MARCHF7: variants seen among roughly 807,000 people sequenced by gnomAD.
The protein encoded by MARCHF7 is E3 ubiquitin-protein ligase MARCHF7.
A neutral mutation model predicts 76.5 loss-of-function variants in MARCHF7; 20 were observed. That is an observed-to-expected ratio of 0.26 (90% CI 0.18 to 0.38). The LOEUF is 0.38. Among genes scored for constraint, MARCHF7 ranks in the 10% least tolerant of loss-of-function variants. MARCHF7 has a pLI of 1.00. For synonymous variants in MARCHF7, 295 were observed against 293.0 expected (o/e 1.01, Z -0.07); for missense variants, 797 against 812.9 (o/e 0.98, Z 0.24).
chr2:159,746,354 G>T (rs2125585119), intron 6 of MARCHF7, among the ~76,000 whole-genome samples: 1 of 152,276 alleles, frequency 6.6e-6, no homozygotes. Flanking sequence ...GTATAACATG[G>T]ATGTGCCTCT....
Position 159,748,872 on chromosome 2 carries a change from G to A in MARCHF7, c.1582G>A (p.Asp528Asn), listed in dbSNP as rs1208686177. The A allele has an allele frequency of 2.4e-5, 39 of 1,607,780 alleles. No homozygotes were observed. The highest frequency in any genetic ancestry group is 3.2e-5 in the Non-Finnish European group (38 of 1,177,666). The change falls in exon 7 of 12, where the codon GAT becomes AAT. Residue 528 changes from aspartate (D) to asparagine (N), a missense_variant. This residue lies in a region of MARCHF7 where 643 missense variants were observed against 631.5 expected (regional missense o/e 1.02). Coordinates refer to ENST00000409175, the MANE Select transcript of MARCHF7 (RefSeq NM_001282805.2). ...TAAAACTAAAAGTGCGCCTTCAAGA[G>A]ATCCAGAAAGATTGCAGAAAATAAA... ...SDKTKSAPSRDPERLQKIKES... is the reference protein window; with the variant it reads ...SDKTKSAPSRNPERLQKIKES...
chr2:159,733,661 CA>C (rs749246796), intron 4 of MARCHF7: 18 of 985,020 alleles, frequency 1.8e-5, no homozygotes, highest in Non-Finnish European at 2.2e-5. Flanking sequence ...AAAAGAGGGT[CA>C]GGGGGTAGGA....
At chr2:159,745,689 T>C in intron 5 of MARCHF7, 81 bp from the exon 6 acceptor site, 5 of 891,668 alleles carry the variant, frequency 5.6e-6, no homozygotes, top group Non-Finnish European at 6.8e-6. Flanking sequence ...AACACTAACT[T>C]TCCTCTCTAT....
At chr2:159,722,034 T>G (rs1305658565) in intron 3 of MARCHF7, among the ~76,000 whole-genome samples, 4 of 152,246 alleles carry the variant, frequency 2.6e-5, no homozygotes, top group Admixed American at 2.6e-4. Context: ...GGAAAGATTG[T>G]ACATGTGAAC....
At chr2:159,716,940 T>G (rs548486925) in intron 3 of MARCHF7, among the ~76,000 whole-genome samples, 1 of 152,338 alleles carries the variant, frequency 6.6e-6, no homozygotes, top group East Asian at 1.9e-4. Context: ...TCACTGTTTT[T>G]TACAGTTCTA....
At chr2:159,716,992 C>G (rs140590958) in intron 3 of MARCHF7, among the ~76,000 whole-genome samples, 5 of 152,336 alleles carry the variant, frequency 3.3e-5, no homozygotes, top group Non-Finnish European at 5.9e-5. Context: ...CCGGGGCTTA[C>G]TCCTCATGTA....
chr2:159,737,212 T>C (rs1019702347), intron 4 of MARCHF7, among the ~76,000 whole-genome samples: 3 of 152,150 alleles, frequency 2.0e-5, no homozygotes, highest in Non-Finnish European at 2.9e-5. Context: ...TGTGCATCGA[T>C]ACCAAGAGAG....
In MARCHF7 at chr2:159,760,322, C is replaced by T. The variant is rs1706879010; in HGVS notation, c.1893+987C>T. ...AAATATATAGACACAAATTCTGTCT[C>T]TAAGGGATTCCCAGATCCTTTGAAG... On this transcript the variant is annotated intron_variant, in intron 9 of 11. Transcript: ENST00000409175. Among the ~76,000 whole-genome samples the T allele has an allele frequency of 2.0e-5, 3 of 152,190 alleles. No individual in the cohort carries two copies. In the South Asian group the frequency reaches 6.2e-4, roughly 31 times the overall value.
At chr2:159,765,924 A>G (rs1707712815) in intron 11 of MARCHF7, among the ~76,000 whole-genome samples, 1 of 152,134 alleles carries the variant, frequency 6.6e-6, no homozygotes, top group Non-Finnish European at 1.5e-5. Context: ...TTTTTAAATT[A>G]CAATTTATAC....
intron 6 of MARCHF7, among the ~76,000 whole-genome samples, chr2:159,746,998 T>C (rs138374534): frequency 3.3e-5 from 5 of 152,322 alleles, no homozygotes; most frequent in African/African-American, 1.2e-4. Flanking sequence ...TAGATTTAGT[T>C]CCTAACATTT....
intron 9 of MARCHF7, among the ~76,000 whole-genome samples, chr2:159,761,948 G>A (rs947500212): frequency 3.7e-4 from 57 of 152,064 alleles, no homozygotes; most frequent in African/African-American, 1.4e-3. Context: ...AGGAATATGA[G>A]CCCCTTTAAA....
intron 9 of MARCHF7, among the ~76,000 whole-genome samples, chr2:159,760,711 TTTTG>T (rs1273008138): frequency 1.3e-5 from 2 of 150,362 alleles, no homozygotes; most frequent in Admixed American, 1.3e-4. Context: ...TTTTTTCCTT[TTTTG>T]TTTTTGTTTT....
chr2:159,754,825 T>A (rs906519580), intron 8 of MARCHF7, among the ~76,000 whole-genome samples: 1 of 152,164 alleles, frequency 6.6e-6, no homozygotes, highest in African/African-American at 2.4e-5. Flanking sequence ...TCTGTTTTCT[T>A]AGAGGTAAGG....
Position 159,749,740 on chromosome 2 carries a change from G to T in MARCHF7, c.1613+837G>T, listed in dbSNP as rs13032500. Among the ~76,000 whole-genome samples the T allele has an allele frequency of 4.0e-5, 6 of 151,582 alleles. No individual in the cohort carries two copies. The East Asian group carries it at 5.8e-4, about 15-fold the overall frequency. ...TGAAGGTAGGCAATGGTTGGGGCGG[G>T]GGGGGCGGTTGTGAATTGTGTCAGA... On this transcript the variant is annotated intron_variant, in intron 7 of 11. Coordinates refer to ENST00000409175, the MANE Select transcript of MARCHF7 (RefSeq NM_001282805.2).
In MARCHF7 at chr2:159,747,860, A is replaced by G; in HGVS notation, c.570A>G (p.Ser190=). The G allele has an allele frequency of 6.2e-7, 1 of 1,611,736 alleles. No individual in the cohort carries two copies. The highest frequency in any genetic ancestry group is 8.5e-7 in the Non-Finnish European group (1 of 1,179,264). ...AAGGAGCAAGACCAAAAGAAAACTCAATGAGCACTTTACAGTTGAATACAT... is the reference window on the plus strand; with the variant it reads ...AAGGAGCAAGACCAAAAGAAAACTCGATGAGCACTTTACAGTTGAATACAT... ...YSQGARPKEN[S]MSTLQLNTSS... The change falls in exon 7 of 12, where the codon TCA becomes TCG. Residue 190 remains serine, a synonymous_variant. Coordinates refer to ENST00000409175, the MANE Select transcript of MARCHF7 (RefSeq NM_001282805.2).
At chr2:159,725,175 T>G (rs1468508491) in intron 3 of MARCHF7, among the ~76,000 whole-genome samples, 1 of 152,218 alleles carries the variant, frequency 6.6e-6, no homozygotes, top group Non-Finnish European at 1.5e-5. Context: ...TAGCATGATT[T>G]ATAATCCTTT....
At chr2:159,763,954 G>A (rs1355063300) in intron 10 of MARCHF7, among the ~76,000 whole-genome samples, 1 of 152,102 alleles carries the variant, frequency 6.6e-6, no homozygotes, top group East Asian at 1.9e-4. Flanking sequence ...TTTACAAATT[G>A]TGAGCCCCTA....
At chr2:159,743,971 G>GTTT (rs1412931838) in intron 5 of MARCHF7, among the ~76,000 whole-genome samples, 19 of 108,392 alleles carry the variant, frequency 1.8e-4, no homozygotes, top group Non-Finnish European at 3.3e-4. Flanking sequence ...TTTAGTAGGA[G>GTTT]TTCTTTTTTT....
chr2:159,721,073 G>A (rs1027815794), intron 3 of MARCHF7, among the ~76,000 whole-genome samples: 3 of 151,174 alleles, frequency 2.0e-5, no homozygotes, highest in Non-Finnish European at 4.4e-5. Flanking sequence ...CGCCATGTTG[G>A]CCAGGCTGGT....
Sources: allele counts gnomAD v4.1 joint callset (sites outside exome capture counted in the v4.1 genomes callset), GRCh38; gene constraint gnomAD v4.1.1; regional missense constraint gnomAD v4.1.1; transcripts MANE v1.5; gene names NCBI Gene and HGNC (gene_info 2026-07-23, HGNC 2026-07-21).